PEPD: variants seen among roughly 807,000 people sequenced by gnomAD.
The protein encoded by PEPD is peptidase D, also known as xaa-Pro dipeptidase.
Under a neutral mutation model 60.7 loss-of-function variants are expected in PEPD, and 53 were observed. The observed-to-expected ratio is 0.87, with a 90% confidence interval of 0.70 to 1.10. The LOEUF (loss-of-function observed/expected upper bound fraction) is 1.10, where lower values mean the gene tolerates loss of function less well. Ranked by LOEUF, PEPD falls within the 50% of genes least tolerant of loss-of-function variation. The pLI, the probability that PEPD is intolerant of heterozygous loss-of-function variation, is 0.00. For missense variants in PEPD, 711 were observed against 711.9 expected, an observed-to-expected ratio of 1.00 and a Z score of 0.01; for synonymous variants, 267 against 284.1, an observed-to-expected ratio of 0.94 and a Z score of 0.60.
chr19:33,390,264 A>C (rs1033053585), intron 13 of PEPD, among the ~76,000 whole-genome samples: 2 of 152,260 alleles, frequency 1.3e-5, no homozygotes, highest in African/African-American at 4.8e-5. Context: ...TTTGGCGACT[A>C]ATGAATAACG....
At chr19:33,406,452 G>A (rs747327652) in intron 11 of PEPD, among the ~76,000 whole-genome samples, 12 of 152,270 alleles carry the variant, frequency 7.9e-5, no homozygotes, top group Non-Finnish European at 1.8e-4. Flanking sequence ...CCTCCTGAGG[G>A]CGTTCTGTGG....
At chr19:33,480,416 G>A (rs1970291691) in intron 6 of PEPD, among the ~76,000 whole-genome samples, 1 of 152,134 alleles carries the variant, frequency 6.6e-6, no homozygotes, top group Non-Finnish European at 1.5e-5. Flanking sequence ...TAACAAAATT[G>A]GAGAGAGAAA....
chr19:33,439,136 C>T (rs535140034), intron 9 of PEPD, among the ~76,000 whole-genome samples: 1 of 152,364 alleles, frequency 6.6e-6, no homozygotes, highest in African/African-American at 2.4e-5. Flanking sequence ...CTGCTTGAGA[C>T]GTCATGGACT....
At chr19:33,467,448 C>G (rs1183514927) in intron 7 of PEPD, among the ~76,000 whole-genome samples, 1 of 151,840 alleles carries the variant, frequency 6.6e-6, no homozygotes, top group Non-Finnish European at 1.5e-5. Flanking sequence ...AACAAGGAAA[C>G]AGCAACAGAA....
chr19:33,489,936 G>T (rs534256880), intron 6 of PEPD, 60 bp downstream of exon 6: 2 of 936,416 alleles, frequency 2.1e-6, no homozygotes, highest in African/African-American at 1.6e-5. Context: ...GGAAAGACCT[G>T]CTAGTGAAGG....
chr19:33,395,482 T>C (rs1305648899), intron 12 of PEPD, among the ~76,000 whole-genome samples: 4 of 152,150 alleles, frequency 2.6e-5, no homozygotes, highest in Non-Finnish European at 4.4e-5. Context: ...TGTCCCATCA[T>C]GCGCCTCATG....
chr19:33,457,030 G>A (rs973033261), intron 9 of PEPD, among the ~76,000 whole-genome samples: 5 of 150,216 alleles, frequency 3.3e-5, no homozygotes, highest in African/African-American at 7.4e-5. Flanking sequence ...CAGAGTGCCC[G>A]GCAACACAGC....
chr19:33,407,121 G>A (rs1204434534), intron 11 of PEPD, among the ~76,000 whole-genome samples: 1 of 152,190 alleles, frequency 6.6e-6, no homozygotes, highest in Admixed American at 6.5e-5. Flanking sequence ...GAAACTCTGC[G>A]AGGGGCCACA....
chr19:33,479,743 A>C (rs1409721951), intron 6 of PEPD, among the ~76,000 whole-genome samples: 1 of 152,222 alleles, frequency 6.6e-6, no homozygotes, highest in African/African-American at 2.4e-5. Flanking sequence ...CTTGCAAAGG[A>C]CATGATCTCA....
intron 1 of PEPD, among the ~76,000 whole-genome samples, chr19:33,514,696 C>T (rs1215115292): frequency 6.6e-6 from 1 of 151,700 alleles, no homozygotes; most frequent in Non-Finnish European, 1.5e-5. Flanking sequence ...GGATCCACTC[C>T]CCTGGCTCCC....
intron 9 of PEPD, among the ~76,000 whole-genome samples, chr19:33,462,659 G>A (rs542970969): frequency 5.9e-5 from 9 of 152,184 alleles, no homozygotes; most frequent in Non-Finnish European, 1.2e-4. Flanking sequence ...ACATAAAAAC[G>A]GCAAGCTGTT....
At chr19:33,410,110 G>A (rs905635706) in intron 11 of PEPD, among the ~76,000 whole-genome samples, 1 of 152,242 alleles carries the variant, frequency 6.6e-6, no homozygotes, top group Non-Finnish European at 1.5e-5. Flanking sequence ...CAGTGCTGTC[G>A]GGTAGGCCAG....
At chr19:33,389,760 G>A (rs1300052371) in intron 13 of PEPD, among the ~76,000 whole-genome samples, 1 of 152,280 alleles carries the variant, frequency 6.6e-6, no homozygotes, top group African/African-American at 2.4e-5. Flanking sequence ...CTGAAGTGGG[G>A]TGGGGGAGAT....
At chr19:33,506,477 C>T (rs1214508790) in intron 3 of PEPD, among the ~76,000 whole-genome samples, 1 of 149,792 alleles carries the variant, frequency 6.7e-6, no homozygotes, top group Non-Finnish European at 1.5e-5. Context: ...CCATCACAAA[C>T]ACCCTACACA....
intron 3 of PEPD, among the ~76,000 whole-genome samples, chr19:33,505,533 C>G (rs1413359046): frequency 2.0e-5 from 3 of 151,996 alleles, no homozygotes; most frequent in African/African-American, 7.3e-5. Flanking sequence ...CAGAGGCCTG[C>G]ACGGCAAAGA....
At chr19:33,495,177 G>A (rs563442286) in intron 4 of PEPD, among the ~76,000 whole-genome samples, 6 of 152,034 alleles carry the variant, frequency 3.9e-5, no homozygotes, top group Admixed American at 1.3e-4. Flanking sequence ...TATAAATAAC[G>A]CTGTGATGAA....
intron 1 of PEPD, among the ~76,000 whole-genome samples, chr19:33,516,097 C>T (rs1231070803): frequency 5.9e-5 from 9 of 151,998 alleles, no homozygotes. Flanking sequence ...TAGCCTGAGC[C>T]ACGAGGCAAG....
At chr19:33,502,357 G>A (rs982387064) in intron 3 of PEPD, among the ~76,000 whole-genome samples, 2 of 152,144 alleles carry the variant, frequency 1.3e-5, no homozygotes, top group Non-Finnish European at 2.9e-5. Flanking sequence ...GTTTCTGGAT[G>A]GTGTTTCCTG....
Position 33,401,880 on chromosome 19 carries a change from A to G in PEPD, c.819-11T>C. 1.2e-6 allele frequency: 2 copies of G among 1,612,512 alleles called. No individual in the cohort carries two copies. The highest frequency in any genetic ancestry group is 1.7e-6 in the Non-Finnish European group (2 of 1,179,660). On this transcript the variant is annotated splice_polypyrimidine_tract_variant and intron_variant, in intron 11 of 14. Coordinates refer to ENST00000244137, the MANE Select transcript of PEPD (RefSeq NM_000285.4). Reference sequence around the variant, plus strand: ...CCCATGTCGAACAGGCTGCGGAGAGAGGAAGGCAGGGCAAGTGGGTACTGG... The same window carrying G: ...CCCATGTCGAACAGGCTGCGGAGAGGGGAAGGCAGGGCAAGTGGGTACTGG...
Sources: allele counts gnomAD v4.1 joint callset (sites outside exome capture counted in the v4.1 genomes callset), GRCh38; gene constraint gnomAD v4.1.1; transcripts MANE v1.5; gene names NCBI Gene and HGNC (gene_info 2026-07-23, HGNC 2026-07-21).